AKAP9: variants seen among roughly 807,000 people sequenced by gnomAD.
AKAP9 encodes A-kinase anchor protein 9.
A neutral mutation model predicts 488.5 loss-of-function variants in AKAP9; 311 were observed. That is an observed-to-expected ratio of 0.64 (90% CI 0.58 to 0.70). The LOEUF (loss-of-function observed/expected upper bound fraction) is 0.70, where lower values mean the gene tolerates loss of function less well. Ranked by LOEUF, AKAP9 falls within the 30% of genes least tolerant of loss-of-function variation. The pLI is 0.00. For synonymous variants in AKAP9, 1,462 were observed against 1,483.5 expected, an observed-to-expected ratio of 0.99 and a Z score of 0.33; for missense variants, 4,215 against 4,374.5, an observed-to-expected ratio of 0.96 and a Z score of 1.03.
At chr7:92,109,712 C>T (rs1584613516) in intron 49 of AKAP9, among the ~76,000 whole-genome samples, 1 of 152,080 alleles carries the variant, frequency 6.6e-6, no homozygotes, top group Non-Finnish European at 1.5e-5. Flanking sequence ...CCGAGGCAGG[C>T]GGATCACTAG....
intron 11 of AKAP9, among the ~76,000 whole-genome samples, 198 bp from the exon 12 acceptor site, chr7:92,016,819 T>C (rs1488175696): frequency 6.6e-6 from 1 of 152,086 alleles, no homozygotes; most frequent in Non-Finnish European, 1.5e-5. Flanking sequence ...AATTAACATA[T>C]TTTAATATGA....
chr7:91,986,909 T>C (rs549466845), intron 3 of AKAP9, among the ~76,000 whole-genome samples: 1 of 151,622 alleles, frequency 6.6e-6, no homozygotes, highest in Admixed American at 6.6e-5. Flanking sequence ...TAGTTACATA[T>C]ATTTATAGTT....
intron 1 of AKAP9, among the ~76,000 whole-genome samples, chr7:91,966,123 C>T (rs1405831556): frequency 6.6e-6 from 1 of 152,244 alleles, no homozygotes; most frequent in African/African-American, 2.4e-5. Flanking sequence ...AACTCTCAGG[C>T]TCAAGTGATC....
Position 91,973,865 on chromosome 7 carries a change from A to G in AKAP9, c.203A>G (p.Asn68Ser). The change falls in exon 2 of 50, where the codon AAT becomes AGT. Residue 68 changes from asparagine (N) to serine (S), a missense_variant. Around this residue, in one of 5 missense-constraint regions of AKAP9, gnomAD observed 2,361 missense variants for 2,430.0 expected, o/e 0.97. Transcript: ENST00000356239. ...TCACAGTGTAATGAAATGTACATAA[A>G]TAGTTCTCAGAGAGTAGAATCAACT... ...DQSQCNEMYI[N>S]SSQRVESTVI... is the part of the protein sequence containing the mutation. The G allele has an allele frequency of 6.2e-7, 1 of 1,614,130 alleles. No homozygotes were observed. Among genetic ancestry groups the G allele is most frequent in the African/African-American group, 1.3e-5 (1 of 75,052 alleles).
Position 92,095,093 on chromosome 7 carries a change from T to C in AKAP9, c.9649T>C (p.Ser3217Pro), listed in dbSNP as rs1387599838. 6.2e-7 allele frequency: 1 copy of C among 1,614,018 alleles called. No individual in the cohort carries two copies. The highest frequency in any genetic ancestry group is 8.5e-7 in the Non-Finnish European group (1 of 1,179,978). Residue 3217 changes from serine to proline, a missense_variant, in exon 40 of 50, where the codon TCA becomes CCA. Physicochemically the swap from Ser to Pro is moderately conservative, Grantham distance 74. This residue lies in a region of AKAP9 where 1,476 missense variants were observed against 1,477.4 expected (regional missense o/e 1.00). Transcript: ENST00000356239. ...NDTLASEQKK[S>P]RELQWALEKE... ...CACATTAGCAAGTGAACAGAAAAAA[T>C]CAAGAGAGCTCCAGTGGGCTTTGGA...
At chr7:91,997,981 G>A (rs1798609610) in intron 7 of AKAP9, among the ~76,000 whole-genome samples, 1 of 152,056 alleles carries the variant, frequency 6.6e-6, no homozygotes, top group African/African-American at 2.4e-5. Flanking sequence ...CTAGACCAGT[G>A]GTCCCCAACC....
At chr7:91,944,398 A>ATT (rs1296365311) in intron 1 of AKAP9, among the ~76,000 whole-genome samples, 7 of 143,872 alleles carry the variant, frequency 4.9e-5, no homozygotes, top group South Asian at 4.4e-4. Context: ...TTCAAATGCC[A>ATT]TTTTTTTTTT....
In AKAP9 at chr7:92,042,056, T is replaced by C. The variant is rs1806200646; in HGVS notation, c.4928T>C (p.Ile1643Thr). The change falls in exon 19 of 50, where the codon ATA (isoleucine) becomes ACA (threonine). Residue 1643 changes from isoleucine (I) to threonine (T), a missense_variant. By Grantham distance (89) the Ile-to-Thr change is moderately conservative (BLOSUM62 -1). Transcript: ENST00000356239. The stretch of plus-strand genomic sequence containing the variant: ...TTTTTTCTTATTTAGAGATCCTCCA[T>C]AGATAATGAAAACCTGGTTTCAGAG... ...LNRQLAQRSS[I>T]DNENLVSERE... 3.7e-6 allele frequency: 6 copies of C among 1,613,658 alleles called. No homozygotes were observed. The highest frequency in any genetic ancestry group is 2.2e-5 in the East Asian group (1 of 44,856).
intron 14 of AKAP9, among the ~76,000 whole-genome samples, chr7:92,027,435 C>G (rs1803455912): frequency 7.0e-6 from 1 of 143,790 alleles, no homozygotes; most frequent in African/African-American, 2.6e-5. Context: ...CCCGGCCGCC[C>G]TGTCTGGGAA....
chr7:92,004,852 A>G (rs1035576039), intron 8 of AKAP9, among the ~76,000 whole-genome samples: 5 of 152,282 alleles, frequency 3.3e-5, no homozygotes, highest in East Asian at 3.9e-4. Flanking sequence ...TTCCAACACT[A>G]TGTTGAATAG....
At chr7:92,102,448 T>TAC (rs1817697612) in intron 45 of AKAP9, 146 bp from the exon 46 acceptor site, 4 of 594,672 alleles carry the variant, frequency 6.7e-6, no homozygotes, top group East Asian at 2.9e-5. Flanking sequence ...CGTTTTACTA[T>TAC]TACTACTACT....
chr7:91,955,721 C>T (rs1319572215), intron 1 of AKAP9, among the ~76,000 whole-genome samples: 1 of 152,192 alleles, frequency 6.6e-6, no homozygotes, highest in Non-Finnish European at 1.5e-5. Context: ...GCAACCTCTG[C>T]CTCCCGGGTT....
intron 22 of AKAP9, among the ~76,000 whole-genome samples, chr7:92,054,121 A>G (rs1383303329): frequency 6.6e-6 from 1 of 152,178 alleles, no homozygotes; most frequent in Non-Finnish European, 1.5e-5. Context: ...TTTTAAATGA[A>G]TTTCAGCTCA....
At chr7:92,026,873 G>C (rs1216583291) in intron 14 of AKAP9, among the ~76,000 whole-genome samples, 2 of 135,264 alleles carry the variant, frequency 1.5e-5, no homozygotes, top group Non-Finnish European at 3.1e-5. Context: ...CCGCCACGCC[G>C]TCTAGGAAGT....
At chr7:92,041,064 C>A (rs957400350) in intron 18 of AKAP9, 166 bp downstream of exon 18, 2 of 623,148 alleles carry the variant, frequency 3.2e-6, no homozygotes, top group Non-Finnish European at 5.6e-6. Flanking sequence ...CAGGAACACA[C>A]TCTATACTAA....
chr7:91,992,075 G>T (rs565231706), intron 3 of AKAP9, 83 bp from the exon 4 acceptor site: 13 of 1,130,624 alleles, frequency 1.1e-5, no homozygotes, highest in Non-Finnish European at 1.8e-5. Context: ...AGACATACAC[G>T]TGAATACAGT....
At chr7:92,005,612 T>C (rs1380578548) in intron 8 of AKAP9, among the ~76,000 whole-genome samples, 1 of 152,188 alleles carries the variant, frequency 6.6e-6, no homozygotes, top group Non-Finnish European at 1.5e-5. Flanking sequence ...TAGAGATATT[T>C]TATATATTTA....
chr7:92,000,384 C>G (rs1730284045), intron 7 of AKAP9, among the ~76,000 whole-genome samples: 1 of 152,140 alleles, frequency 6.6e-6, no homozygotes, highest in Admixed American at 6.5e-5. Flanking sequence ...TTTTCCATAG[C>G]CCTTGCCCAT....
chr7:92,081,511 A>G (rs1368767150), intron 31 of AKAP9, among the ~76,000 whole-genome samples: 1 of 72,268 alleles, frequency 1.4e-5, no homozygotes. Flanking sequence ...TTTTTTTTTT[A>G]GTAGAGACGA....
Sources: allele counts gnomAD v4.1 joint callset (sites outside exome capture counted in the v4.1 genomes callset), GRCh38; gene constraint gnomAD v4.1.1; regional missense constraint gnomAD v4.1.1; transcripts MANE v1.5; gene names NCBI Gene and HGNC (gene_info 2026-07-23, HGNC 2026-07-21).